The following KAZN variants were observed in gnomAD, a reference collection of about 807,000 sequenced individuals.
KAZN encodes kazrin, periplakin interacting protein.
A neutral mutation model predicts 87.4 loss-of-function variants in KAZN; 40 were observed. The observed-to-expected ratio is 0.46, with a 90% CI of 0.36 to 0.60. The LOEUF (loss-of-function observed/expected upper bound fraction) is 0.60. Among genes scored for constraint, KAZN ranks in the 20% least tolerant of loss-of-function variants. KAZN has a pLI of 0.00. For missense variants in KAZN, 898 were observed against 1,073.9 expected, an observed-to-expected ratio of 0.84 and a Z score of 2.29; for synonymous variants, 466 against 458.3, an observed-to-expected ratio of 1.02 and a Z score of -0.22.
At chr1:14,306,156 G>T (rs1179476373) in intron 2 of KAZN, among the ~76,000 whole-genome samples, 3 of 152,158 alleles carry the variant, frequency 2.0e-5, no homozygotes, top group African/African-American at 7.2e-5. Context: ...TTTTTTGGTG[G>T]ATTGTTTTGA....
At chr1:13,948,664 C>A (rs558341051) in intron 1 of KAZN, among the ~76,000 whole-genome samples, 6 of 152,194 alleles carry the variant, frequency 3.9e-5, no homozygotes, top group Non-Finnish European at 8.8e-5. Context: ...GCCTTACCCC[C>A]AAGACCTCTT....
At chr1:14,129,684 C>T (rs1557498775) in intron 1 of KAZN, among the ~76,000 whole-genome samples, 1 of 152,132 alleles carries the variant, frequency 6.6e-6, no homozygotes, top group Non-Finnish European at 1.5e-5. Flanking sequence ...TTACACTTGT[C>T]CATTGTCCAT....
At chr1:13,920,902 T>C (rs1640040761) in intron 1 of KAZN, among the ~76,000 whole-genome samples, 1 of 152,008 alleles carries the variant, frequency 6.6e-6, no homozygotes, top group Admixed American at 6.6e-5. Context: ...CTTAAAATGG[T>C]GGTGTTTGTC....
At chr1:14,309,722 A>G (rs911616061) in intron 2 of KAZN, among the ~76,000 whole-genome samples, 5 of 152,040 alleles carry the variant, frequency 3.3e-5, no homozygotes, top group African/African-American at 1.2e-4. Flanking sequence ...CACTAGGCTC[A>G]TGCCCAGTTA....
At chr1:14,507,836 G>A (rs1435884837) in intron 2 of KAZN, among the ~76,000 whole-genome samples, 5 of 152,072 alleles carry the variant, frequency 3.3e-5, no homozygotes, top group Middle Eastern at 3.4e-3. Context: ...GCACGGTGAC[G>A]GGTGCCTGTA....
intron 1 of KAZN, among the ~76,000 whole-genome samples, chr1:14,854,121 C>T (rs1649793309): frequency 6.6e-6 from 1 of 152,120 alleles, no homozygotes; most frequent in African/African-American, 2.4e-5. Flanking sequence ...CTAGACCTAC[C>T]CCCCGGTTAG....
intron 1 of KAZN, among the ~76,000 whole-genome samples, chr1:14,763,641 A>C (rs144052196): frequency 2.0e-5 from 3 of 152,372 alleles, no homozygotes; most frequent in Non-Finnish European, 4.4e-5. Context: ...TAATGAACAA[A>C]TATAAATGGA....
intron 2 of KAZN, among the ~76,000 whole-genome samples, chr1:14,281,512 C>G (rs1652836525): frequency 6.6e-6 from 1 of 152,174 alleles, no homozygotes; most frequent in African/African-American, 2.4e-5. Flanking sequence ...TCCAAGCTCA[C>G]TGTTCTAGCT....
At chr1:14,795,418 A>C (rs948816535) in intron 1 of KAZN, among the ~76,000 whole-genome samples, 3 of 152,126 alleles carry the variant, frequency 2.0e-5, no homozygotes, top group Non-Finnish European at 2.9e-5. Flanking sequence ...CATAGTAGGT[A>C]CTTGTCGATA....
chr1:14,855,461 T>G (rs1649984613), intron 1 of KAZN, among the ~76,000 whole-genome samples: 1 of 152,218 alleles, frequency 6.6e-6, no homozygotes, highest in African/African-American at 2.4e-5. Flanking sequence ...CCTATGCGCC[T>G]CATTCTCTGA....
At chr1:14,138,568 G>A (rs931889642) in intron 1 of KAZN, among the ~76,000 whole-genome samples, 2 of 152,216 alleles carry the variant, frequency 1.3e-5, no homozygotes, top group Admixed American at 6.5e-5. Context: ...CCACGAGATC[G>A]TCCTGGAAAG....
At chr1:14,388,583 A>G (rs543827615) in intron 2 of KAZN, among the ~76,000 whole-genome samples, 10 of 152,326 alleles carry the variant, frequency 6.6e-5, no homozygotes, top group Non-Finnish European at 1.5e-4. Context: ...CAAACATGCC[A>G]AGAGCATACA....
At chr1:14,742,170 T>C (rs1251637981) in intron 1 of KAZN, among the ~76,000 whole-genome samples, 1 of 152,216 alleles carries the variant, frequency 6.6e-6, no homozygotes, top group Non-Finnish European at 1.5e-5. Flanking sequence ...ACTGCTATAA[T>C]GTCAGCTCCA....
chr1:14,785,256 C>G (rs888532357), intron 1 of KAZN, among the ~76,000 whole-genome samples: 2 of 152,150 alleles, frequency 1.3e-5, no homozygotes, highest in African/African-American at 4.8e-5. Flanking sequence ...GCCCTGTGGA[C>G]CCCCATGGAA....
intron 1 of KAZN, among the ~76,000 whole-genome samples, chr1:13,967,676 G>A (rs1263919172): frequency 1.3e-5 from 2 of 152,208 alleles, no homozygotes; most frequent in African/African-American, 4.8e-5. Context: ...TAGGAGAAGT[G>A]CCTTCATACG....
chr1:14,558,066 C>G (rs528688231), intron 2 of KAZN, among the ~76,000 whole-genome samples: 2 of 152,316 alleles, frequency 1.3e-5, no homozygotes, highest in African/African-American at 4.8e-5. Flanking sequence ...TGATAACATA[C>G]CAACATTAGA....
intron 1 of KAZN, among the ~76,000 whole-genome samples, chr1:14,894,091 C>T (rs1205336585): frequency 6.6e-6 from 1 of 152,172 alleles, no homozygotes; most frequent in Admixed American, 6.5e-5. Context: ...GGTGCTGCCA[C>T]TCAAAGCATC....
chr1:13,935,357 T>C (rs1640688691), intron 1 of KAZN, among the ~76,000 whole-genome samples: 1 of 152,184 alleles, frequency 6.6e-6, no homozygotes, highest in Non-Finnish European at 1.5e-5. Context: ...CATTTTATGA[T>C]GCAGAAAGTG....
chr1:14,177,534 A>G (rs1646105390), intron 1 of KAZN, among the ~76,000 whole-genome samples: 1 of 152,228 alleles, frequency 6.6e-6, no homozygotes, highest in African/African-American at 2.4e-5. Context: ...AGAACTGTAC[A>G]TTGGCAATTT....
Sources: gnomAD v4.1 joint callset for allele counts (sites outside exome capture counted in the v4.1 genomes callset) on GRCh38, gnomAD v4.1.1 for gene constraint, MANE v1.5 for transcripts, NCBI Gene and HGNC (gene_info 2026-07-23, HGNC 2026-07-21) for gene names.